The following EVL variants were observed in gnomAD, a reference collection of about 807,000 sequenced individuals.
EVL encodes Enah/Vasp-like, also known as ena/VASP-like protein.
In EVL, 21 loss-of-function variants were observed where a neutral mutation model predicts 59.6. The ratio of observed to expected loss-of-function variants is 0.35; its 90% CI spans 0.25 to 0.51. The LOEUF (loss-of-function observed/expected upper bound fraction) is 0.51, where lower values mean the gene tolerates loss of function less well. Ranked by LOEUF, EVL falls within the 20% of genes least tolerant of loss-of-function variation. The probability of loss-of-function intolerance (pLI) is 0.97; values close to 1 mark genes in which losing one functional copy is unlikely to be tolerated. For synonymous variants in EVL, 198 were observed against 203.5 expected (o/e 0.97, Z 0.23); for missense variants, 462 against 546.6 (o/e 0.85, Z 1.54).
At chr14:99,999,806 A>G (rs1282033136) in intron 1 of EVL, among the ~76,000 whole-genome samples, 1 of 152,230 alleles carries the variant, frequency 6.6e-6, no homozygotes, top group Non-Finnish European at 1.5e-5. Context: ...CTGTGAGGCC[A>G]TCAGCACAAA....
At chr14:100,007,953 G>C (rs1390500377) in intron 1 of EVL, among the ~76,000 whole-genome samples, 1 of 152,170 alleles carries the variant, frequency 6.6e-6, no homozygotes, top group Non-Finnish European at 1.5e-5. Context: ...GTACATAGTA[G>C]GATGTTTAGC....
At chr14:100,137,021 ACC>A (rs34414263) in intron 9 of EVL, 1 of 155,872 alleles carries the variant, frequency 6.4e-6, no homozygotes, top group African/African-American at 2.4e-5. Context: ...CTGCCCCACT[ACC>A]CCCTAGAGAT....
chr14:100,084,750 G>A lies in EVL; in HGVS notation c.75G>A (p.Trp25Ter), dbSNP rs1456715352. Residue 25 changes from tryptophan to a stop codon, truncating the protein, a stop_gained, in exon 2 of 14, where the codon TGG becomes TGA. Coordinates refer to ENST00000392920, the MANE Select transcript of EVL (RefSeq NM_016337.3). LOFTEE classifies it high-confidence loss of function. ...TCTACGATGACACCAGTAAGAAATG[G>A]GTACCAATCAAACCTGGCCAGCAGG... ...VMVYDDTSKK[W>*]VPIKPGQQGF... 6.2e-7 allele frequency: 1 copy of A among 1,614,016 alleles called. No individual in the cohort carries two copies. The highest frequency in any genetic ancestry group is 1.3e-5 in the African/African-American group (1 of 74,882).
At chr14:100,084,335 G>A (rs546889761) in intron 1 of EVL, among the ~76,000 whole-genome samples, 71 of 152,262 alleles carry the variant, frequency 4.7e-4, no homozygotes, top group African/African-American at 1.4e-3. Flanking sequence ...ATGAGCTACC[G>A]TGCCTGGCCA....
chr14:100,134,345 A>T (rs1397904156), intron 8 of EVL, among the ~76,000 whole-genome samples: 4 of 152,120 alleles, frequency 2.6e-5, no homozygotes. Context: ...TCGCTCCTGG[A>T]GCTCTAAGAA....
chr14:100,073,038 G>A (rs1043953362), intron 1 of EVL, among the ~76,000 whole-genome samples: 3 of 152,124 alleles, frequency 2.0e-5, no homozygotes, highest in Non-Finnish European at 2.9e-5. Context: ...GATTTCAAGC[G>A]TCTCTGTTTC....
Position 100,137,750 on chromosome 14 carries a change from G to A in EVL, c.1042G>A (p.Val348Met). The A allele has an allele frequency of 1.2e-6, 2 of 1,614,110 alleles. No individual in the cohort carries two copies. The highest frequency in any genetic ancestry group is 1.7e-6 in the Non-Finnish European group (2 of 1,180,012). Residue 348 changes from valine to methionine, a missense_variant, in exon 11 of 14, where the codon GTG (valine) becomes ATG (methionine). Physicochemically the swap from Val to Met is conservative, Grantham distance 21. Transcript: ENST00000392920. Reference protein sequence around the residue: ...VSSILSRTPSVAKSPEAKSPL... With the variant: ...VSSILSRTPSMAKSPEAKSPL... ...ATTCCATTGCCGTAGAACCCCGTCT[G>A]TGGCAAAGAGCCCCGAAGCTAAGAG...
chr14:99,979,214 A>C (rs537319095), intron 1 of EVL, among the ~76,000 whole-genome samples: 1 of 152,086 alleles, frequency 6.6e-6, no homozygotes, highest in East Asian at 1.9e-4. Flanking sequence ...AAACTTACTA[A>C]ATCTTTCTGC....
intron 3 of EVL, among the ~76,000 whole-genome samples, chr14:100,120,361 G>A (rs1044454354): frequency 1.3e-5 from 2 of 152,234 alleles, no homozygotes; most frequent in Non-Finnish European, 2.9e-5. Flanking sequence ...GGCTATGAGC[G>A]TGGAGTGCGG....
At chr14:99,986,962 A>G (rs1001788527) in intron 1 of EVL, among the ~76,000 whole-genome samples, 15 of 152,238 alleles carry the variant, frequency 9.9e-5, no homozygotes, top group Non-Finnish European at 8.8e-5. Context: ...TATGGGAGAA[A>G]ATACAAGAGT....
At chr14:99,976,479 T>C (rs1297350750) in intron 1 of EVL, among the ~76,000 whole-genome samples, 1 of 152,196 alleles carries the variant, frequency 6.6e-6, no homozygotes, top group Non-Finnish European at 1.5e-5. Context: ...ATCTGTTAGT[T>C]GTTTCCAGTG....
intron 1 of EVL, among the ~76,000 whole-genome samples, chr14:99,976,082 T>C (rs2060768455): frequency 6.6e-6 from 1 of 152,098 alleles, no homozygotes; most frequent in Non-Finnish European, 1.5e-5. Flanking sequence ...TTGCTCAGGC[T>C]AGAGTGCAGT....
intron 1 of EVL, among the ~76,000 whole-genome samples, chr14:100,008,508 G>T (rs535699664): frequency 2.5e-4 from 38 of 152,262 alleles, no homozygotes; most frequent in Non-Finnish European, 5.0e-4. Context: ...GGTTCTCAAG[G>T]TTTGGTTCAT....
intron 1 of EVL, among the ~76,000 whole-genome samples, chr14:100,081,601 T>G (rs2062308522): frequency 6.6e-6 from 1 of 151,354 alleles, no homozygotes; most frequent in Non-Finnish European, 1.5e-5. Context: ...GCAAGCACAG[T>G]GCTTTATTTA....
At chr14:100,125,122 CCACACA>C (rs57005382) in intron 4 of EVL, among the ~76,000 whole-genome samples, 4,585 of 103,054 alleles carry the variant, frequency 0.044, 141 homozygotes, top group African/African-American at 0.057. Flanking sequence ...CAAGGCGGGA[CCACACA>C]CACACACACA....
At chr14:100,068,865 G>A (rs745373829) in intron 1 of EVL, among the ~76,000 whole-genome samples, 3 of 152,162 alleles carry the variant, frequency 2.0e-5, no homozygotes, top group African/African-American at 7.2e-5. Flanking sequence ...AGCTGAGGTC[G>A]CGGTGCAGCA....
At chr14:100,098,492 C>T (rs1045740215) in intron 3 of EVL, among the ~76,000 whole-genome samples, 3 of 152,180 alleles carry the variant, frequency 2.0e-5, no homozygotes, top group Admixed American at 2.0e-4. Flanking sequence ...GCCCCAAATA[C>T]CTGGAAGACT....
At position 100,143,778 on chromosome 14, in the gene EVL, G is replaced by T. The variant is rs746951761; in HGVS notation, c.*40G>T. On this transcript the variant is annotated 3_prime_UTR_variant, in exon 14 of 14. Coordinates refer to ENST00000392920, the MANE Select transcript of EVL (RefSeq NM_016337.3). Reference sequence around the variant, plus strand: ...TGCGCTGATTCGTCGAGCCCATCCGGCGACAGAGGACAGCCAGAAGCCCAG... The same window carrying T: ...TGCGCTGATTCGTCGAGCCCATCCGTCGACAGAGGACAGCCAGAAGCCCAG... The T allele has an allele frequency of 6.2e-7, 1 of 1,603,844 alleles. No individual in the cohort carries two copies. The highest frequency in any genetic ancestry group is 1.1e-5 in the South Asian group (1 of 89,834).
At chr14:100,088,495 A>G (rs1287400475) in intron 2 of EVL, among the ~76,000 whole-genome samples, 1 of 152,212 alleles carries the variant, frequency 6.6e-6, no homozygotes, top group Non-Finnish European at 1.5e-5. Context: ...CCTAGGCTGT[A>G]TGGTATAGCC....
Sources: gnomAD v4.1 joint callset for allele counts (sites outside exome capture counted in the v4.1 genomes callset) on GRCh38, gnomAD v4.1.1 for gene constraint, MANE v1.5 for transcripts, NCBI Gene and HGNC (gene_info 2026-07-23, HGNC 2026-07-21) for gene names.